RAD52: variants seen among roughly 807,000 people sequenced by gnomAD.
The protein encoded by RAD52 is RAD52 DNA repair protein, also known as DNA repair protein RAD52 homolog.
In RAD52, 47 loss-of-function variants were observed where a neutral mutation model predicts 55.5. That is an observed-to-expected ratio of 0.85 (90% CI 0.67 to 1.08). The LOEUF (loss-of-function observed/expected upper bound fraction) is 1.08. Among genes scored for constraint, RAD52 ranks in the 50% least tolerant of loss-of-function variants. The pLI is 0.00. For missense variants in RAD52, 468 were observed against 522.8 expected, an observed-to-expected ratio of 0.90 and a Z score of 1.02; for synonymous variants, 184 against 198.9, an observed-to-expected ratio of 0.92 and a Z score of 0.63.
intron 1 of RAD52, among the ~76,000 whole-genome samples, chr12:936,296 T>C (rs1957625415): frequency 6.6e-6 from 1 of 152,004 alleles, no homozygotes; most frequent in South Asian, 2.1e-4. Flanking sequence ...GGAGCAAGAC[T>C]CTTTCTCAAA....
At chr12:939,052 TTG>T (rs1555176185) in intron 1 of RAD52, among the ~76,000 whole-genome samples, 1,555 of 141,074 alleles carry the variant, frequency 0.011, 15 homozygotes, top group African/African-American at 0.03. Flanking sequence ...ATTCAACTAA[TTG>T]TGTGTGTGTG....
rs571420792 is a variant in RAD52, at chr12:984,453, C to T, written c.-19+5356G>A. Among the ~76,000 whole-genome samples the T allele has an allele frequency of 1.6e-3, 238 of 152,282 alleles. 1 individual carries two copies. The highest frequency in any genetic ancestry group is 2.3e-3 in the Non-Finnish European group (155 of 68,038). On this transcript the variant is annotated intron_variant, in intron 1 of 11. Coordinates refer to the RAD52 transcript ENST00000430095. ...CCTCAGGTGATCCACCTGCCTCAGG[C>T]TCCCAAAGTGCTAGGATTATATGCA... is the stretch of plus-strand genomic sequence containing the variant.
chr12:974,286 C>A (rs1958907951), intron 1 of RAD52: 1 of 152,188 alleles, frequency 6.6e-6, no homozygotes, highest in Non-Finnish European at 1.5e-5. Flanking sequence ...GCCAGCACCT[C>A]CATTTCTTGG....
intron 6 of RAD52, 46 bp downstream of exon 6, chr12:927,099 G>T (rs1183838645): frequency 6.4e-7 from 1 of 1,574,262 alleles, no homozygotes; most frequent in East Asian, 2.2e-5. Context: ...CTGCTCTGAA[G>T]CAAGAGCTGA....
chr12:949,350 T>G (rs1184564764), intron 1 of RAD52: 1 of 152,188 alleles, frequency 6.6e-6, no homozygotes, highest in African/African-American at 2.4e-5. Context: ...CGCACCGCGG[T>G]GGGGTCCCGG....
chr12:945,020 T>TA (rs768116668), intron 1 of RAD52, among the ~76,000 whole-genome samples: 15 of 152,058 alleles, frequency 9.9e-5, no homozygotes, highest in Non-Finnish European at 1.5e-4. Context: ...AACACAGTAC[T>TA]ATAATGTTCA....
Position 912,376 on chromosome 12 carries a change from A to AATT in RAD52, c.*1012_*1014dup, listed in dbSNP as rs1592296782. 2.0e-5 allele frequency: 4 copies of AATT among 202,900 alleles called. No homozygotes were observed. In the East Asian group the frequency reaches 3.0e-4, roughly 15 times the overall value. 12.6% of individuals were successfully genotyped at this position (202,900 alleles called of 1,614,324 possible). On this transcript the variant is annotated 3_prime_UTR_variant, in exon 12 of 12. Transcript: ENST00000358495. Reference sequence around the variant, plus strand: ...TACAAAAACTCTGTTTCATGCACAAAATTATGTGTATGAGGCATATACACG... The same window carrying AATT: ...TACAAAAACTCTGTTTCATGCACAAAATTATTATGTGTATGAGGCATATACACG...
intron 1 of RAD52, among the ~76,000 whole-genome samples, chr12:964,310 G>A (rs1958727641): frequency 6.6e-6 from 1 of 152,170 alleles, no homozygotes; most frequent in Non-Finnish European, 1.5e-5. Flanking sequence ...GCTTATGCCT[G>A]TAATCTCAGC....
intron 1 of RAD52, among the ~76,000 whole-genome samples, chr12:984,197 T>C (rs539996435): frequency 5.3e-5 from 8 of 152,094 alleles, no homozygotes; most frequent in Admixed American, 5.2e-4. Context: ...TCTGTCTCTA[T>C]GAATTTTTTT....
At chr12:921,911 G>A (rs1295241602) in intron 7 of RAD52, among the ~76,000 whole-genome samples, 1 of 151,536 alleles carries the variant, frequency 6.6e-6, no homozygotes, top group Non-Finnish European at 1.5e-5. Flanking sequence ...TTCGAGACCA[G>A]CCTGACCAAC....
chr12:925,401 C>T (rs774712903), intron 7 of RAD52, 49 bp downstream of exon 7: 1 of 1,489,196 alleles, frequency 6.7e-7, no homozygotes, highest in South Asian at 1.1e-5. Context: ...CCATGACACA[C>T]AAGAGTTTGC....
intron 1 of RAD52, among the ~76,000 whole-genome samples, chr12:943,407 A>G (rs748183219): frequency 6.6e-6 from 1 of 152,190 alleles, no homozygotes; most frequent in African/African-American, 2.4e-5. Context: ...CAGTGGCACA[A>G]TCTCGGCTCA....
intron 6 of RAD52, 59 bp from the exon 7 acceptor site, chr12:925,584 G>A: frequency 3.6e-6 from 5 of 1,377,868 alleles, no homozygotes; most frequent in Non-Finnish European, 5.2e-6. Context: ...ATGAATATCA[G>A]AGAATAGAAT....
chr12:950,349 A>T (rs1328662544), upstream of RAD52, among the ~76,000 whole-genome samples: 1 of 152,000 alleles, frequency 6.6e-6, no homozygotes. Context: ...AGGCGGGCTG[A>T]TCACGAGGTC....
intron 5 of RAD52, among the ~76,000 whole-genome samples, chr12:929,055 G>A (rs1310477854): frequency 1.3e-5 from 2 of 151,956 alleles, no homozygotes; most frequent in African/African-American, 2.4e-5. Context: ...TAGTAGAGAC[G>A]GGCTTTCGCT....
At position 970,795 on chromosome 12, in the gene RAD52, G is replaced by GT. The variant is rs200839424; in HGVS notation, c.-19+19013dup. Among the ~76,000 whole-genome samples the GT allele has an allele frequency of 4.4e-3, 668 of 152,250 alleles. 4 individuals carry two copies. Among genetic ancestry groups the GT allele is most frequent in the Middle Eastern group, 0.014 (4 of 294 alleles). ...TGAACCAACAACCGAGCTATTTTGG[G>GT]TAGGGTATCACAGCAAAGGGAATGT... On this transcript the variant is annotated intron_variant, in intron 1 of 11. Coordinates refer to the RAD52 transcript ENST00000430095.
At chr12:978,115 T>C (rs923422601) in intron 1 of RAD52, among the ~76,000 whole-genome samples, 2 of 152,266 alleles carry the variant, frequency 1.3e-5, no homozygotes, top group Non-Finnish European at 2.9e-5. Context: ...CATGGTCTCA[T>C]GTTTCTTCAA....
chr12:943,593 C>T (rs960037472), intron 1 of RAD52, among the ~76,000 whole-genome samples: 2 of 152,146 alleles, frequency 1.3e-5, no homozygotes, highest in African/African-American at 4.8e-5. Context: ...AAGTGATCCC[C>T]CCGCCTCGGC....
At position 911,916 on chromosome 12, in the gene RAD52, G is replaced by A. The variant is rs890240607; in HGVS notation, c.*1475C>T. Reference sequence around the variant, plus strand: ...TGGGTGTCTGTAATCCCAGCTACTCGGGAGCCTGAGGCAGGAGAATTGCTT... The same window carrying A: ...TGGGTGTCTGTAATCCCAGCTACTCAGGAGCCTGAGGCAGGAGAATTGCTT... On this transcript the variant is annotated 3_prime_UTR_variant, in exon 12 of 12. Transcript: ENST00000358495. Among the ~76,000 whole-genome samples the A allele has an allele frequency of 2.0e-5, 3 of 151,912 alleles. No individual in the cohort carries two copies. The highest frequency in any genetic ancestry group is 6.6e-5 in the Admixed American group (1 of 15,244).
Sources: allele counts gnomAD v4.1 joint callset (sites outside exome capture counted in the v4.1 genomes callset), GRCh38; gene constraint gnomAD v4.1.1; transcripts MANE v1.5; gene names NCBI Gene and HGNC (gene_info 2026-07-23, HGNC 2026-07-21).